The following LUZP2 variants were observed in gnomAD, a reference collection of about 807,000 sequenced individuals.
LUZP2 encodes leucine zipper protein 2.
A neutral mutation model predicts 51.6 loss-of-function variants in LUZP2; 52 were observed. The observed-to-expected ratio is 1.01, with a 90% CI of 0.81 to 1.27. The LOEUF is 1.27. LUZP2 is among the 50% of genes most tolerant of loss of function. LUZP2 has a pLI of 0.00. For missense variants in LUZP2, 436 were observed against 395.4 expected, an observed-to-expected ratio of 1.10 and a Z score of -0.87; for synonymous variants, 154 against 137.3, an observed-to-expected ratio of 1.12 and a Z score of -0.85.
intron 1 of LUZP2, among the ~76,000 whole-genome samples, chr11:24,594,750 CTTTTTTTT>C (rs61196514): frequency 1.3e-5 from 1 of 78,554 alleles, no homozygotes; most frequent in African/African-American, 5.7e-5. Flanking sequence ...GTTTGGGACA[CTTTTTTTT>C]TTTTTTTTTT....
chr11:24,860,663 G>A (rs1179265237), intron 5 of LUZP2, among the ~76,000 whole-genome samples: 1 of 151,952 alleles, frequency 6.6e-6, no homozygotes, highest in Non-Finnish European at 1.5e-5. Flanking sequence ...GATGAATAGG[G>A]CCCGAAGTGA....
intron 1 of LUZP2, among the ~76,000 whole-genome samples, chr11:24,669,694 T>G (rs893410863): frequency 2.6e-5 from 4 of 152,032 alleles, no homozygotes; most frequent in African/African-American, 9.7e-5. Flanking sequence ...CTTCATTGGT[T>G]TTCTTGATAG....
intron 5 of LUZP2, among the ~76,000 whole-genome samples, chr11:24,844,807 T>C (rs555636238): frequency 2.6e-5 from 4 of 152,264 alleles, no homozygotes; most frequent in African/African-American, 7.2e-5. Context: ...AAGCCCCAAG[T>C]CTTGGCAGCT....
intron 5 of LUZP2, among the ~76,000 whole-genome samples, chr11:24,803,015 G>A (rs1849737653): frequency 6.6e-6 from 1 of 151,946 alleles, no homozygotes; most frequent in South Asian, 2.1e-4. Context: ...CCAGTCTGTG[G>A]TATTTGTTAT....
At chr11:24,505,608 G>T (rs1201753819) in intron 1 of LUZP2, among the ~76,000 whole-genome samples, 4 of 152,078 alleles carry the variant, frequency 2.6e-5, no homozygotes, top group East Asian at 1.9e-4. Context: ...ATTGAGAAAA[G>T]CTCATGTGGC....
intron 7 of LUZP2, among the ~76,000 whole-genome samples, chr11:24,919,722 A>C (rs1000016241): frequency 6.7e-6 from 1 of 150,030 alleles, no homozygotes. Context: ...CTTATTTTTA[A>C]CTTGAGTTAT....
chr11:24,637,603 G>T (rs937713118), intron 1 of LUZP2, among the ~76,000 whole-genome samples: 1 of 151,710 alleles, frequency 6.6e-6, no homozygotes, highest in African/African-American at 2.4e-5. Context: ...TGCATTCCTG[G>T]GGGGCGGTCT....
At chr11:24,824,697 A>G (rs1850473175) in intron 5 of LUZP2, among the ~76,000 whole-genome samples, 1 of 152,038 alleles carries the variant, frequency 6.6e-6, no homozygotes, top group Non-Finnish European at 1.5e-5. Flanking sequence ...TTATATGATC[A>G]CACATATTTA....
chr11:24,700,876 G>A (rs1044742185), intron 1 of LUZP2, among the ~76,000 whole-genome samples: 1 of 152,050 alleles, frequency 6.6e-6, no homozygotes, highest in African/African-American at 2.4e-5. Flanking sequence ...TGTAAGGATT[G>A]TAGATTTGAC....
intron 1 of LUZP2, among the ~76,000 whole-genome samples, chr11:24,531,103 G>T (rs1393734075): frequency 7.3e-6 from 1 of 137,422 alleles, no homozygotes; most frequent in Non-Finnish European, 1.5e-5. Context: ...CCATAAAAAA[G>T]CAACTTCATA....
chr11:24,736,231 A>G lies in LUZP2; in HGVS notation c.252-1990A>G, dbSNP rs187543501. 4.0e-4 allele frequency among the ~76,000 whole-genome samples: 61 copies of G among 151,482 alleles called. 1 individual carries two copies. Among genetic ancestry groups the G allele is most frequent in the African/African-American group, 1.4e-3 (59 of 41,330 alleles). ...ATTATCTATCTATCTATCTATCTATATTTGTAAAAATATTCATACATACTC... is the reference window on the plus strand; with the variant it reads ...ATTATCTATCTATCTATCTATCTATGTTTGTAAAAATATTCATACATACTC... On this transcript the variant is annotated intron_variant, in intron 3 of 11. Transcript: ENST00000336930.
At chr11:24,904,924 A>G (rs145691410) in intron 5 of LUZP2, among the ~76,000 whole-genome samples, 1 of 152,328 alleles carries the variant, frequency 6.6e-6, no homozygotes, top group African/African-American at 2.4e-5. Context: ...GGAAAAAGAT[A>G]TTCCATGCAA....
intron 1 of LUZP2, among the ~76,000 whole-genome samples, chr11:24,535,041 T>C (rs1214474614): frequency 1.3e-5 from 2 of 151,456 alleles, no homozygotes; most frequent in East Asian, 1.9e-4. Flanking sequence ...TCCCAGTACA[T>C]ATAGAAGTTA....
intron 1 of LUZP2, among the ~76,000 whole-genome samples, chr11:24,589,726 T>A (rs1209949598): frequency 1.3e-5 from 2 of 152,208 alleles, no homozygotes; most frequent in Non-Finnish European, 2.9e-5. Flanking sequence ...GGCCACTGCT[T>A]GAAATCATAT....
chr11:25,008,883 T>TGGCTAAAAGGC (rs1399464687), intron 9 of LUZP2, among the ~76,000 whole-genome samples: 3 of 152,172 alleles, frequency 2.0e-5, no homozygotes, highest in Non-Finnish European at 4.4e-5. Context: ...AAAATACCAT[T>TGGCTAAAAGGC]CAATTGGCTA....
rs1859421369 is a variant in LUZP2 at position 25,080,016 on chromosome 11, G to A, written c.*1358G>A. On this transcript the variant is annotated 3_prime_UTR_variant, in exon 12 of 12. Coordinates refer to ENST00000336930, the MANE Select transcript of LUZP2 (RefSeq NM_001009909.4). ...ATTTAAAGAAATTTAAAGATTTGGA[G>A]AATTGGAAAATATCGTTAGCTGTAA... is the stretch of plus-strand genomic sequence containing the variant. The A allele has an allele frequency of 6.6e-6, 1 of 152,128 alleles. No individual in the cohort carries two copies. The highest frequency in any genetic ancestry group is 2.1e-4 in the South Asian group (1 of 4,824). The allele number at this position is 152,128 out of a possible 1,614,324, so 9.4% of individuals were successfully genotyped here.
At chr11:24,667,335 C>T (rs970768113) in intron 1 of LUZP2, among the ~76,000 whole-genome samples, 4 of 151,836 alleles carry the variant, frequency 2.6e-5, no homozygotes, top group Non-Finnish European at 5.9e-5. Context: ...AGACATGTGC[C>T]ACCATGCTTG....
intron 1 of LUZP2, among the ~76,000 whole-genome samples, chr11:24,714,936 G>A (rs1857980025): frequency 6.6e-6 from 1 of 152,100 alleles, no homozygotes. Context: ...AGCCTAGAGA[G>A]TCTACAGACC....
chr11:24,671,667 G>A (rs1313982030), intron 1 of LUZP2, among the ~76,000 whole-genome samples: 2 of 151,928 alleles, frequency 1.3e-5, no homozygotes, highest in African/African-American at 4.8e-5. Flanking sequence ...CTTATTCAAA[G>A]TGGGATAACT....
Sources: gnomAD v4.1 joint callset for allele counts (sites outside exome capture counted in the v4.1 genomes callset) on GRCh38, gnomAD v4.1.1 for gene constraint, MANE v1.5 for transcripts, NCBI Gene and HGNC (gene_info 2026-07-23, HGNC 2026-07-21) for gene names.